EXD3: variants seen among roughly 807,000 people sequenced by gnomAD.
EXD3 encodes exonuclease 3'-5' domain containing 3.
A neutral mutation model predicts 98.0 loss-of-function variants in EXD3; 92 were observed. The ratio of observed to expected loss-of-function variants is 0.94; its 90% confidence interval spans 0.79 to 1.12. EXD3 has a LOEUF of 1.12. Ranked by LOEUF, EXD3 falls within the 50% of genes most tolerant of loss-of-function variation. The pLI is 0.00. For synonymous variants in EXD3, 569 were observed against 526.0 expected, an observed-to-expected ratio of 1.08 and a Z score of -1.12; for missense variants, 1,222 against 1,191.6, an observed-to-expected ratio of 1.03 and a Z score of -0.38.
At chr9:137,387,648 A>G (rs879608178) in intron 2 of EXD3, among the ~76,000 whole-genome samples, 25 of 152,096 alleles carry the variant, frequency 1.6e-4, no homozygotes, top group Admixed American at 1.6e-3. Flanking sequence ...ACAGCACCCC[A>G]CGCACCCCAA....
chr9:137,396,061 G>A (rs537760595), intron 1 of EXD3, among the ~76,000 whole-genome samples: 23 of 151,250 alleles, frequency 1.5e-4, no homozygotes, highest in East Asian at 5.9e-4. Context: ...TCCGCCTTCC[G>A]GGTTCAAGCG....
intron 7 of EXD3, among the ~76,000 whole-genome samples, chr9:137,362,836 G>T (rs143323591): frequency 1.3e-3 from 198 of 152,138 alleles, no homozygotes; most frequent in African/African-American, 4.0e-3. Context: ...TTGAGATGGA[G>T]TTTCACTCTT....
intron 17 of EXD3, among the ~76,000 whole-genome samples, chr9:137,339,557 A>G (rs567306427): frequency 6.6e-6 from 1 of 152,130 alleles, no homozygotes; most frequent in East Asian, 1.9e-4. Flanking sequence ...GAAGGGTAAT[A>G]TGCGGGACCA....
intron 19 of EXD3, 103 bp downstream of exon 19, chr9:137,323,622 C>A: frequency 6.7e-7 from 1 of 1,491,480 alleles, no homozygotes; most frequent in East Asian, 2.3e-5. Context: ...CGACACCCCA[C>A]CCCAGACCCA....
intron 17 of EXD3, chr9:137,343,225 G>A (rs1833739774): frequency 6.6e-6 from 1 of 152,218 alleles, no homozygotes; most frequent in Non-Finnish European, 1.5e-5. Flanking sequence ...AATAACATCA[G>A]TTGTGAATTT....
Position 137,405,195 on chromosome 9 carries a change from C to G in EXD3, c.-47-9791G>C, listed in dbSNP as rs540928281. 1.3e-5 allele frequency among the ~76,000 whole-genome samples: 2 copies of G among 152,348 alleles called. No individual in the cohort carries two copies. The highest frequency in any genetic ancestry group is 4.8e-5 in the African/African-American group (2 of 41,592). ...GCCCCGCACATCCGCACATCCCACC[C>G]TTGGACCTCCTAACTGCGCTGGGGT... On this transcript the variant is annotated intron_variant, in intron 1 of 21. Coordinates refer to ENST00000340951, the MANE Select transcript of EXD3 (RefSeq NM_017820.5). The surrounding 1 kb of genome is among the most constrained non-coding windows in gnomAD (Gnocchi z 4.1).
chr9:137,413,919 C>CTT (rs57038595), intron 1 of EXD3, among the ~76,000 whole-genome samples: 12 of 133,550 alleles, frequency 9.0e-5, no homozygotes, highest in South Asian at 2.5e-4. Flanking sequence ...TTTTTTTTTT[C>CTT]TTTTTTTTTT....
intron 17 of EXD3, among the ~76,000 whole-genome samples, chr9:137,336,378 C>T (rs954782252): frequency 2.0e-5 from 3 of 152,136 alleles, no homozygotes; most frequent in East Asian, 1.9e-4. Context: ...TAACATTTCT[C>T]GGCCATGTGT....
At chr9:137,352,905 G>A in intron 10 of EXD3, 119 bp from the exon 11 acceptor site, 2 of 1,445,466 alleles carry the variant, frequency 1.4e-6, no homozygotes, top group East Asian at 2.6e-5. Flanking sequence ...TCGGGGAGGA[G>A]GGGCAGCCGT....
At chr9:137,311,053 C>A (rs865913225) in intron 19 of EXD3, among the ~76,000 whole-genome samples, 2 of 152,220 alleles carry the variant, frequency 1.3e-5, no homozygotes, top group Non-Finnish European at 2.9e-5. Flanking sequence ...CTGAGCCTTT[C>A]GAAACTAAGA....
At chr9:137,419,969 C>T (rs376850811) in intron 1 of EXD3, among the ~76,000 whole-genome samples, 1 of 152,014 alleles carries the variant, frequency 6.6e-6, no homozygotes, top group Non-Finnish European at 1.5e-5. Flanking sequence ...ACCATCCTGG[C>T]TAATACGGTG....
rs542704376 is a variant in EXD3, at chr9:137,349,811, G to A, written c.1495-280C>T. Among the ~76,000 whole-genome samples the A allele has an allele frequency of 5.9e-5, 9 of 152,254 alleles. No homozygotes were observed. In the East Asian group the frequency reaches 7.7e-4, roughly 13 times the overall value. On this transcript the variant is annotated intron_variant, in intron 14 of 21. Transcript: ENST00000340951. This position sits in a 1 kb window ranked among gnomAD's most constrained non-coding sequence, Gnocchi z 7.4. ...AGCCCCTCACAGCCTCAGAGAGCCC[G>A]GGCCCTGAGTCTGTGTGGCCAGCTC...
At chr9:137,368,731 G>A (rs1241739044) in intron 5 of EXD3, among the ~76,000 whole-genome samples, 3 of 152,228 alleles carry the variant, frequency 2.0e-5, no homozygotes, top group African/African-American at 7.2e-5. Flanking sequence ...GCCCCGGTGC[G>A]CAGGGTGGGG....
intron 20 of EXD3, among the ~76,000 whole-genome samples, chr9:137,308,731 G>A (rs1318744554): frequency 2.0e-5 from 3 of 150,628 alleles, no homozygotes; most frequent in Admixed American, 1.3e-4. Context: ...CTGCCTCCCA[G>A]GTTCAAGTGA....
chr9:137,401,347 G>A (rs1420529268), intron 1 of EXD3, among the ~76,000 whole-genome samples: 2 of 151,968 alleles, frequency 1.3e-5, no homozygotes, highest in Non-Finnish European at 2.9e-5. Flanking sequence ...AGTAGAGACG[G>A]GGTTTCACCG....
intron 19 of EXD3, among the ~76,000 whole-genome samples, chr9:137,315,419 C>A (rs1312158740): frequency 6.6e-6 from 1 of 152,222 alleles, no homozygotes; most frequent in Non-Finnish European, 1.5e-5. Flanking sequence ...TGGGCCTGAC[C>A]CGCTGGCAGC....
At chr9:137,400,952 C>T (rs1231444050) in intron 1 of EXD3, among the ~76,000 whole-genome samples, 1 of 152,094 alleles carries the variant, frequency 6.6e-6, no homozygotes, top group Admixed American at 6.6e-5. Flanking sequence ...GGCAGCTCCA[C>T]CCCTGTGACT....
intron 19 of EXD3, among the ~76,000 whole-genome samples, chr9:137,321,889 C>T (rs1177044316): frequency 6.6e-6 from 1 of 152,110 alleles, no homozygotes; most frequent in Admixed American, 6.5e-5. Flanking sequence ...TGAGTGGAGG[C>T]GCAAAAGGCA....
intron 1 of EXD3, among the ~76,000 whole-genome samples, chr9:137,420,745 C>T (rs185720381): frequency 6.8e-6 from 1 of 148,004 alleles, no homozygotes; most frequent in Non-Finnish European, 1.5e-5. Flanking sequence ...TCACCCCCCC[C>T]CCCAAATTCA....
Sources: allele counts gnomAD v4.1 joint callset (sites outside exome capture counted in the v4.1 genomes callset), GRCh38; gene constraint gnomAD v4.1.1; non-coding constraint Gnocchi (gnomAD v3.1); transcripts MANE v1.5; gene names NCBI Gene and HGNC (gene_info 2026-07-23, HGNC 2026-07-21).